GSE1: variants seen among roughly 807,000 people sequenced by gnomAD.
GSE1 encodes genetic suppressor element 1.
GSE1 carries 32 observed loss-of-function variants against 112.6 expected under a neutral mutation model. The observed-to-expected ratio is 0.28, with a 90% CI of 0.21 to 0.38. The LOEUF (loss-of-function observed/expected upper bound fraction) is 0.38. Among genes scored for constraint, GSE1 ranks in the 10% least tolerant of loss-of-function variants. The probability of loss-of-function intolerance (pLI) is 1.00; values close to 1 mark genes in which losing one functional copy is unlikely to be tolerated. For missense variants in GSE1, 2,348 were observed against 1,699.2 expected (o/e 1.38, Z -6.71); for synonymous variants, 1,115 against 735.6 (o/e 1.52, Z -8.35).
At chr16:85,549,338 G>A (rs1052081904) in intron 2 of GSE1, among the ~76,000 whole-genome samples, 1 of 151,960 alleles carries the variant, frequency 6.6e-6, no homozygotes, top group African/African-American at 2.4e-5. Flanking sequence ...CACTAAACCT[G>A]GCTAGCATTT....
At chr16:85,608,521 G>C (rs1172897532), upstream of GSE1, among the ~76,000 whole-genome samples, 1 of 152,084 alleles carries the variant, frequency 6.6e-6, no homozygotes, top group South Asian at 2.1e-4. Context: ...AACCGCTTGA[G>C]ACCTGTCGTA....
chr16:85,205,703 C>T (rs538751426), intron 1 of GSE1, among the ~76,000 whole-genome samples: 1 of 152,288 alleles, frequency 6.6e-6, no homozygotes, highest in African/African-American at 2.4e-5. Flanking sequence ...GTCCCCTCCT[C>T]AGTGTGAGTG....
intron 2 of GSE1, among the ~76,000 whole-genome samples, chr16:85,526,369 G>A (rs1243515483): frequency 3.3e-5 from 5 of 152,248 alleles, no homozygotes; most frequent in Admixed American, 3.3e-4. Flanking sequence ...ACCCTCAGGA[G>A]CTGCAGAAGT....
At chr16:85,498,008 C>T (rs966664646) in intron 2 of GSE1, among the ~76,000 whole-genome samples, 80 of 146,356 alleles carry the variant, frequency 5.5e-4, no homozygotes, top group African/African-American at 1.8e-3. Flanking sequence ...CCCTGACCAC[C>T]GTGCCTGTGT....
At chr16:85,490,514 G>GCTGTCAC (rs2050975826) in intron 2 of GSE1, 1 of 152,328 alleles carries the variant, frequency 6.6e-6, no homozygotes, top group Admixed American at 6.5e-5. Context: ...GATGTAGGAG[G>GCTGTCAC]CTGTCACCAT....
chr16:85,432,390 C>T (rs540424326), intron 2 of GSE1, among the ~76,000 whole-genome samples: 2 of 152,242 alleles, frequency 1.3e-5, no homozygotes, highest in Non-Finnish European at 2.9e-5. Context: ...GTTCACTTCA[C>T]AGGCAACGAG....
At chr16:85,380,321 G>A (rs1427426843) in intron 2 of GSE1, among the ~76,000 whole-genome samples, 1 of 152,188 alleles carries the variant, frequency 6.6e-6, no homozygotes, top group Admixed American at 6.5e-5. Context: ...GAGGCAGAGG[G>A]AGACAAGTCC....
chr16:85,364,200 C>G (rs933548204), intron 2 of GSE1, among the ~76,000 whole-genome samples: 1 of 152,164 alleles, frequency 6.6e-6, no homozygotes, highest in Non-Finnish European at 1.5e-5. Flanking sequence ...CCTTGACTTG[C>G]GGCCCCTCCC....
chr16:85,189,489 C>T (rs1221295364), intron 1 of GSE1, among the ~76,000 whole-genome samples: 2 of 152,138 alleles, frequency 1.3e-5, no homozygotes, highest in African/African-American at 4.8e-5. Context: ...ATCAAAGTCT[C>T]AGTGAAAATG....
intron 1 of GSE1, among the ~76,000 whole-genome samples, chr16:85,582,827 T>G (rs1039692616): frequency 1.3e-5 from 2 of 152,238 alleles, no homozygotes; most frequent in Admixed American, 6.5e-5. Flanking sequence ...CATTTAGCTG[T>G]TCCGAGCCAG....
chr16:85,562,011 A>G (rs1489957891), intron 1 of GSE1, among the ~76,000 whole-genome samples: 1 of 152,220 alleles, frequency 6.6e-6, no homozygotes, highest in Non-Finnish European at 1.5e-5. Flanking sequence ...GGTCTTGCAT[A>G]GCCTCAGGCT....
At chr16:85,567,849 A>G (rs1270764927) in intron 1 of GSE1, among the ~76,000 whole-genome samples, 1 of 151,912 alleles carries the variant, frequency 6.6e-6, no homozygotes, top group Non-Finnish European at 1.5e-5. Flanking sequence ...CAGCCTCCCA[A>G]GTAGCTGGGA....
intron 2 of GSE1, among the ~76,000 whole-genome samples, chr16:85,476,286 A>G (rs1156708166): frequency 6.6e-6 from 1 of 152,220 alleles, no homozygotes; most frequent in East Asian, 1.9e-4. Flanking sequence ...GAGACCTGGG[A>G]TGGCGCTCAG....
At chr16:85,292,957 A>G (rs1218396757) in intron 1 of GSE1, among the ~76,000 whole-genome samples, 2 of 152,162 alleles carry the variant, frequency 1.3e-5, no homozygotes, top group African/African-American at 2.4e-5. Flanking sequence ...TTATGGAGGA[A>G]TATTATACAT....
At chr16:85,401,599 G>A (rs1324116454) in intron 2 of GSE1, among the ~76,000 whole-genome samples, 1 of 152,178 alleles carries the variant, frequency 6.6e-6, no homozygotes, top group African/African-American at 2.4e-5. Flanking sequence ...GCCCATCCAG[G>A]TGAGGGCCAA....
intron 2 of GSE1, among the ~76,000 whole-genome samples, chr16:85,472,166 T>C (rs1236743535): frequency 1.3e-5 from 2 of 152,184 alleles, no homozygotes. Context: ...TGAGAAATCC[T>C]TGCTTAAGGT....
chr16:85,662,736 C>T, intron 9 of GSE1: 2 of 514,894 alleles, frequency 3.9e-6, no homozygotes, highest in Non-Finnish European at 6.9e-6. Flanking sequence ...TCTTGTCAGC[C>T]CAGGGGACCA....
chr16:85,428,094 C>T (rs902219689), intron 2 of GSE1, among the ~76,000 whole-genome samples: 1 of 152,212 alleles, frequency 6.6e-6, no homozygotes, highest in Non-Finnish European at 1.5e-5. Context: ...AGATAGACCC[C>T]TTGTTCAAGG....
At chr16:85,244,034 G>A (rs952214683) in intron 1 of GSE1, among the ~76,000 whole-genome samples, 1 of 152,174 alleles carries the variant, frequency 6.6e-6, no homozygotes, top group African/African-American at 2.4e-5. Context: ...GCTGAGGTAG[G>A]AGAATTGCTT....
Sources: allele counts gnomAD v4.1 joint callset (sites outside exome capture counted in the v4.1 genomes callset), GRCh38; gene constraint gnomAD v4.1.1; transcripts MANE v1.5; gene names NCBI Gene and HGNC (gene_info 2026-07-23, HGNC 2026-07-21).